The following FLT4 variants were observed in gnomAD, a reference collection of about 807,000 sequenced individuals.
FLT4 encodes the protein fms related receptor tyrosine kinase 4.
Under a neutral mutation model 163.2 loss-of-function variants are expected in FLT4, and 30 were observed. That is an observed-to-expected ratio of 0.18 (90% confidence interval 0.14 to 0.25). The LOEUF (loss-of-function observed/expected upper bound fraction) is 0.25, where lower values mean the gene tolerates loss of function less well. FLT4 is among the 10% of genes least tolerant of loss of function. The pLI, the probability that FLT4 is intolerant of heterozygous loss-of-function variation, is 1.00. For synonymous variants in FLT4, 884 were observed against 789.5 expected (o/e 1.12, Z -2.01); for missense variants, 1,510 against 1,863.8 (o/e 0.81, Z 3.50).
rs1420141608 is a variant in FLT4 at position 180,603,257 on chromosome 5, G to A, written c.4027C>T (p.Pro1343Ser). Residue 1343 changes from proline (P) to serine (S), a missense_variant, in exon 30 of 30, where the codon CCA becomes TCA. Transcript: ENST00000261937. Reference sequence around the variant, plus strand: ...GGGGAGCAGTGGTCCTCCTCGCTTGGCTCCGACAGCTCCCCATACTCGCTG... The same window carrying A: ...GGGGAGCAGTGGTCCTCCTCGCTTGACTCCGACAGCTCCCCATACTCGCTG... ...YNSEYGELSE[P>S]SEEDHCSPSA... The A allele has an allele frequency of 6.2e-7, 1 of 1,614,172 alleles. No individual in the cohort carries two copies. The highest frequency in any genetic ancestry group is 2.2e-5 in the East Asian group (1 of 44,880).
upstream of FLT4, among the ~76,000 whole-genome samples, chr5:180,650,275 G>C (rs1045312562): frequency 6.6e-6 from 1 of 151,534 alleles, no homozygotes; most frequent in Non-Finnish European, 1.5e-5. Context: ...CGGGACACCC[G>C]GGATGACCGA....
chr5:180,607,193 C>T (rs1761849431), intron 29 of FLT4, among the ~76,000 whole-genome samples: 1 of 152,176 alleles, frequency 6.6e-6, no homozygotes, highest in African/African-American at 2.4e-5. Flanking sequence ...ACTGTTTTTC[C>T]CCTGGCTGTC....
In FLT4 at chr5:180,620,917, G is replaced by T. The variant is rs1763091365; in HGVS notation, c.2258C>A (p.Ala753Asp). The change falls in exon 15 of 30, where the codon GCC becomes GAC. Residue 753 changes from alanine (A) to aspartate (D), a missense_variant. By Grantham distance (126) the Ala-to-Asp change is moderately radical. This residue lies in a region of FLT4 where 878 missense variants were observed against 1,016.7 expected (regional missense o/e 0.86). Coordinates refer to ENST00000261937, the MANE Select transcript of FLT4 (RefSeq NM_182925.5). This position sits in a 1 kb window ranked among gnomAD's most constrained non-coding sequence, Gnocchi z 4.4. ...GGCGGAGGAGTTGACGCAGCCCTTG[G>T]CGTTGCACACGCTGCACAGATAGCG... is the stretch of plus-strand genomic sequence containing the variant. ...AGRYLCSVCN[A>D]KGCVNSSASV... 1.2e-6 allele frequency: 2 copies of T among 1,610,212 alleles called. No individual in the cohort carries two copies. The highest frequency in any genetic ancestry group is 2.7e-5 in the African/African-American group (2 of 74,914).
Position 180,613,153 on chromosome 5 carries a change from C to T in FLT4, c.3332-43G>A, listed in dbSNP as rs368518386. Reference sequence around the variant, plus strand: ...AGGTGGGTGGGGAGCAAGCCTCCTGCGGCTCAGCCCAGCCCCCCAAGTCAC... The same window carrying T: ...AGGTGGGTGGGGAGCAAGCCTCCTGTGGCTCAGCCCAGCCCCCCAAGTCAC... On this transcript the variant is annotated intron_variant, in intron 24 of 29. Coordinates refer to ENST00000261937, the MANE Select transcript of FLT4 (RefSeq NM_182925.5). 1,995 of 1,439,824 alleles carry T rather than the reference C, an allele frequency of 1.4e-3. 3 individuals are homozygous for T. The highest frequency in any genetic ancestry group is 1.8e-3 in the Non-Finnish European group (1,855 of 1,028,172). 89.2% of individuals were successfully genotyped at this position (1,439,824 alleles called of 1,614,324 possible).
intron 1 of FLT4, among the ~76,000 whole-genome samples, chr5:180,642,323 T>G (rs1765192360): frequency 6.6e-6 from 1 of 152,108 alleles, no homozygotes; most frequent in African/African-American, 2.4e-5. Context: ...GACCCTGTGT[T>G]GTCGTCAGAG....
rs1314707228 is a variant in FLT4, at chr5:180,636,433, T to A, written c.59-4655A>T. Among the ~76,000 whole-genome samples, 2 of 152,012 alleles carry A rather than the reference T, an allele frequency of 1.3e-5. No homozygotes were observed. Among genetic ancestry groups the A allele is most frequent in the African/African-American group, 4.8e-5 (2 of 41,376 alleles). ...CAGCCACCTGCCCTCCCTACAGCAG[T>A]CCCTCTGAGGGTCCTGCTCTTTGGC... On this transcript the variant is annotated intron_variant, in intron 1 of 29. Coordinates refer to ENST00000261937, the MANE Select transcript of FLT4 (RefSeq NM_182925.5). The surrounding 1 kb of genome is among the most constrained non-coding windows in gnomAD (Gnocchi z 4.3).
intron 1 of FLT4, among the ~76,000 whole-genome samples, chr5:180,639,392 TGGATGGAC>T (rs1279032682): frequency 3.9e-4 from 57 of 144,858 alleles, no homozygotes; most frequent in African/African-American, 3.7e-4. Context: ...GATGGATGGA[TGGATGGAC>T]GGATGGATGA....
intron 29 of FLT4, among the ~76,000 whole-genome samples, chr5:180,606,912 A>ACC (rs1260951118): frequency 9.3e-6 from 1 of 107,916 alleles, no homozygotes; most frequent in African/African-American, 3.0e-5. Context: ...AAAAAAAAAA[A>ACC]AAACAAACAA....
At chr5:180,617,186 C>T (rs916962059) in intron 21 of FLT4, among the ~76,000 whole-genome samples, 192 bp from the exon 22 acceptor site, 1 of 91,484 alleles carries the variant, frequency 1.1e-5, no homozygotes, top group African/African-American at 4.2e-5. Flanking sequence ...TCCAGAGCAC[C>T]CTCTCCTGCC....
Position 180,614,141 on chromosome 5 carries a change from G to A in FLT4, c.3258C>T (p.Ile1086=). The change falls in exon 24 of 30, where the codon ATC becomes ATT. Residue 1086 remains isoleucine, a synonymous_variant. Transcript: ENST00000261937. ...LPLKWMAPES[I]FDKVYTTQSD... Reference sequence around the variant, plus strand: ...TCTGCGTGGTGTACACCTTGTCGAAGATGCTTTCAGGGGCCATCCACTTCA... The same window carrying A: ...TCTGCGTGGTGTACACCTTGTCGAAAATGCTTTCAGGGGCCATCCACTTCA... 6.2e-7 allele frequency: 1 copy of A among 1,614,138 alleles called. No homozygotes were observed. The highest frequency in any genetic ancestry group is 8.5e-7 in the Non-Finnish European group (1 of 1,179,982).
At position 180,608,986 on chromosome 5, in the gene FLT4, C is replaced by G. The variant is rs1196244570; in HGVS notation, c.3875G>C (p.Arg1292Thr). 1 of 1,614,082 alleles carries G rather than the reference C, an allele frequency of 6.2e-7. No homozygotes were observed. Among genetic ancestry groups the G allele is most frequent in the African/African-American group, 1.3e-5 (1 of 74,946 alleles). The change falls in exon 29 of 30, where the codon AGA becomes ACA. Residue 1292 changes from arginine to threonine, a missense_variant. Physicochemically the swap from Arg to Thr is moderately conservative, Grantham distance 71 (BLOSUM62 -1). This residue lies in a region of FLT4 where 295 missense variants were observed against 311.0 expected (regional missense o/e 0.95). Transcript: ENST00000261937. ...EEFEQIESRH[R>T]QESGFSCKGP... The stretch of plus-strand genomic sequence containing the variant: ...CCCTTACCTGAAGCCGCTTTCTTGT[C>G]TATGCCTGCTCTCTATCTGCTCAAA...
intron 13 of FLT4, 106 bp downstream of exon 13, chr5:180,621,436 C>T (rs954671881): frequency 2.0e-6 from 3 of 1,516,254 alleles, no homozygotes; most frequent in African/African-American, 2.7e-5. Context: ...TCCTGCAGGC[C>T]AGGGCTGTGA....
At chr5:180,624,323 T>G (rs554627591) in intron 10 of FLT4, among the ~76,000 whole-genome samples, 40 of 149,878 alleles carry the variant, frequency 2.7e-4, no homozygotes, top group Non-Finnish European at 4.3e-4. Context: ...GCCTCCTGGG[T>G]TCAAGCGATT....
chr5:180,601,739 A>G lies in FLT4; in HGVS notation c.*1453T>C. The G allele has an allele frequency of 4.3e-6, 1 of 233,170 alleles. No homozygotes were observed. The highest frequency in any genetic ancestry group is 8.5e-6 in the Non-Finnish European group (1 of 118,024). 14.4% of individuals were successfully genotyped at this position (233,170 alleles called of 1,614,324 possible). ...GCCTGACACGCCAGTCCCACGTTGG[A>G]CGACGTGCAGAGGAAGGGGGAGGTC... On this transcript the variant is annotated 3_prime_UTR_variant, in exon 30 of 30. Coordinates refer to ENST00000261937, the MANE Select transcript of FLT4 (RefSeq NM_182925.5).
chr5:180,608,048 G>C (rs1386856329), intron 29 of FLT4: 2 of 698,408 alleles, frequency 2.9e-6, no homozygotes, highest in Non-Finnish European at 5.2e-6. Flanking sequence ...GTGGGAGGCT[G>C]GATATTATCC....
Position 180,620,739 on chromosome 5 carries a change from C to CTTGT in FLT4, c.2300-25_2300-24insACAA. On this transcript the variant is annotated intron_variant, in intron 15 of 29. Coordinates refer to ENST00000261937, the MANE Select transcript of FLT4 (RefSeq NM_182925.5). This position sits in a 1 kb window ranked among gnomAD's most constrained non-coding sequence, Gnocchi z 4.4. ...GCCTGCGTGGGCAGAAAGGGGCCGG[C>CTTGT]GTGTGTGTGTGTGTGTGTAAGAGCG... is the stretch of plus-strand genomic sequence containing the variant. The CTTGT allele has an allele frequency of 6.5e-7, 1 of 1,533,688 alleles. No individual in the cohort carries two copies. Among genetic ancestry groups the CTTGT allele is most frequent in the Non-Finnish European group, 9.0e-7 (1 of 1,114,232 alleles).
intron 10 of FLT4, 129 bp from the exon 11 acceptor site, chr5:180,624,190 CG>C (rs759006313): frequency 9.3e-5 from 93 of 1,001,412 alleles, no homozygotes; most frequent in Non-Finnish European, 1.4e-4. Flanking sequence ...GGCTGGCCCT[CG>C]GGCCTGGGTG....
At position 180,629,311 on chromosome 5, in the gene FLT4, C is replaced by T. The variant is rs1763897181; in HGVS notation, c.933G>A (p.Lys311=). The T allele has an allele frequency of 6.2e-7, 1 of 1,613,342 alleles. No individual in the cohort carries two copies. The highest frequency in any genetic ancestry group is 8.5e-7 in the Non-Finnish European group (1 of 1,180,020). ...SQHDLGSYVC[K]ANNGIQRFRE... ...GAAATCGCTGGATGCCGTTGTTGGC[C>T]TTGCACACATACGAGCCCAGGTCGT... Residue 311 remains lysine (K), a synonymous_variant, in exon 7 of 30, where the codon AAG becomes AAA. Coordinates refer to ENST00000261937, the MANE Select transcript of FLT4 (RefSeq NM_182925.5).
At chr5:180,639,482 G>T (rs1055496490) in intron 1 of FLT4, among the ~76,000 whole-genome samples, 1 of 151,866 alleles carries the variant, frequency 6.6e-6, no homozygotes, top group Non-Finnish European at 1.5e-5. Context: ...ATGGATGGAC[G>T]GGCAGATGGA....
Sources: gnomAD v4.1 joint callset for allele counts (sites outside exome capture counted in the v4.1 genomes callset) on GRCh38, gnomAD v4.1.1 for gene constraint, gnomAD v4.1.1 regional missense constraint, Gnocchi (gnomAD v3.1) non-coding constraint, MANE v1.5 for transcripts, NCBI Gene and HGNC (gene_info 2026-07-23, HGNC 2026-07-21) for gene names.